The following FAM13B variants were observed in gnomAD, a reference collection of about 807,000 sequenced individuals.
The protein encoded by FAM13B is family with sequence similarity 13 member B.
FAM13B carries 60 observed loss-of-function variants against 117.3 expected under a neutral mutation model. That is an observed-to-expected ratio of 0.51 (90% CI 0.42 to 0.63). The LOEUF is 0.63. Ranked by LOEUF, FAM13B falls within the 30% of genes least tolerant of loss-of-function variation. The pLI, the probability that FAM13B is intolerant of heterozygous loss-of-function variation, is 0.00. For missense variants in FAM13B, 972 were observed against 1,091.9 expected, an observed-to-expected ratio of 0.89 and a Z score of 1.55; for synonymous variants, 332 against 356.1, an observed-to-expected ratio of 0.93 and a Z score of 0.76.
At chr5:137,968,359 T>C (rs1770777227) in intron 10 of FAM13B, among the ~76,000 whole-genome samples, 1 of 151,254 alleles carries the variant, frequency 6.6e-6, no homozygotes, top group Admixed American at 6.6e-5. Flanking sequence ...GAGACTCACT[T>C]GAATCTGGGA....
chr5:137,978,655 A>T (rs888096790), intron 10 of FAM13B, among the ~76,000 whole-genome samples: 56 of 152,100 alleles, frequency 3.7e-4, no homozygotes, highest in African/African-American at 1.4e-3. Context: ...TCAGGAAAAA[A>T]TCCCATCCTC....
chr5:137,945,921 G>A lies in FAM13B; in HGVS notation c.2321C>T (p.Ala774Val), dbSNP rs1254358861. ...YRLVKQMLTR[A>V]SITPVLGSPS... ...ACTTACAAGGACAGGAGTGATGCTA[G>A]CTCTTGTCAGCATTTGTTTTACAAG... Residue 774 changes from alanine to valine, a missense_variant, in exon 20 of 24, where the codon GCT (alanine) becomes GTT (valine). Ala to Val is a moderately conservative substitution (Grantham distance 64). Coordinates refer to ENST00000689681, the MANE Select transcript of FAM13B (RefSeq NM_001385994.1). The A allele has an allele frequency of 3.7e-6, 6 of 1,612,240 alleles. No homozygotes were observed. Among genetic ancestry groups the A allele is most frequent in the South Asian group, 2.2e-5 (2 of 90,978 alleles).
chr5:137,982,541 CAA>C (rs1776049769), intron 10 of FAM13B, among the ~76,000 whole-genome samples: 2 of 143,562 alleles, frequency 1.4e-5, no homozygotes, highest in East Asian at 2.1e-4. Context: ...ACAACAACAA[CAA>C]CAACCTTCAT....
chr5:137,941,803 C>G lies in FAM13B; in HGVS notation c.2690+141G>C, dbSNP rs1761934988. 7.5e-6 allele frequency: 5 copies of G among 662,874 alleles called. No homozygotes were observed. In the Admixed American group the frequency reaches 1.3e-4, roughly 18 times the overall value. The allele number at this position is 662,874 out of a possible 1,614,324, so 41.1% of individuals were successfully genotyped here. A position where few individuals can be genotyped will look rare whatever the true frequency, so the allele number is the denominator to read the frequency against. Reference sequence around the variant, plus strand: ...GGCCATTAAAAGCAGGGCCTCAGAGCATAAAGGAATGTTTTAAAATTTTTC... The same window carrying G: ...GGCCATTAAAAGCAGGGCCTCAGAGGATAAAGGAATGTTTTAAAATTTTTC... On this transcript the variant is annotated intron_variant, in intron 23 of 23. Transcript: ENST00000689681.
At position 137,939,713 on chromosome 5, in the gene FAM13B, TCA is replaced by T; in HGVS notation, c.*510_*511del. The T allele has an allele frequency of 3.8e-6, 1 of 266,310 alleles. No homozygotes were observed. The highest frequency in any genetic ancestry group is 6.2e-6 in the Non-Finnish European group (1 of 162,588). The allele number at this position is 266,310 out of a possible 1,614,324, so 16.5% of individuals were successfully genotyped here. ...GTGTTCCATAGTACGACTTGAAATC[TCA>T]GTTTGATTTTGGTTTTCTAGGAAAA... On this transcript the variant is annotated 3_prime_UTR_variant, in exon 24 of 24. Coordinates refer to ENST00000689681, the MANE Select transcript of FAM13B (RefSeq NM_001385994.1).
At chr5:137,962,152 T>C (rs972106322) in intron 11 of FAM13B, among the ~76,000 whole-genome samples, 1 of 152,326 alleles carries the variant, frequency 6.6e-6, no homozygotes, top group East Asian at 1.9e-4. Context: ...AACTGAAAGA[T>C]TTAAATGTCT....
chr5:137,943,903 C>A (rs1009992743), intron 20 of FAM13B, among the ~76,000 whole-genome samples: 6 of 151,974 alleles, frequency 3.9e-5, no homozygotes, highest in African/African-American at 1.5e-4. Flanking sequence ...AAAATTCACC[C>A]TTTTAAAATG....
chr5:138,003,008 T>C (rs1345676390), intron 7 of FAM13B, among the ~76,000 whole-genome samples: 1 of 152,042 alleles, frequency 6.6e-6, no homozygotes, highest in Non-Finnish European at 1.5e-5. Context: ...TTCATTCCAC[T>C]TCAATTTTTC....
At chr5:138,018,040 C>T (rs1785694970) in intron 4 of FAM13B, among the ~76,000 whole-genome samples, 1 of 152,190 alleles carries the variant, frequency 6.6e-6, no homozygotes, top group Non-Finnish European at 1.5e-5. Flanking sequence ...CCTCCTACTC[C>T]TTGTTCTTGT....
chr5:137,949,678 T>C (rs1764394541), intron 17 of FAM13B, among the ~76,000 whole-genome samples: 1 of 151,924 alleles, frequency 6.6e-6, no homozygotes, highest in Admixed American at 6.6e-5. Flanking sequence ...CACACACCTG[T>C]AATCCCAGCT....
intron 1 of FAM13B, chr5:138,038,456 C>G (rs1021786742): frequency 1.3e-5 from 2 of 152,180 alleles, no homozygotes; most frequent in Non-Finnish European, 2.9e-5. Context: ...CAAATTCAGT[C>G]AAACTCAGCT....
chr5:138,006,523 A>C (rs1782615578), intron 7 of FAM13B, among the ~76,000 whole-genome samples: 1 of 152,196 alleles, frequency 6.6e-6, no homozygotes. Context: ...TCAGCCTACC[A>C]CATTTATCGA....
chr5:137,940,468 T>TA, intron 23 of FAM13B, 120 bp from the exon 24 acceptor site: 1 of 652,912 alleles, frequency 1.5e-6, no homozygotes, highest in Non-Finnish European at 2.5e-6. Context: ...AGTTGTTCTG[T>TA]TAAAAAAAAA....
At chr5:138,003,424 G>T (rs1437592683) in intron 7 of FAM13B, among the ~76,000 whole-genome samples, 1 of 152,120 alleles carries the variant, frequency 6.6e-6, no homozygotes, top group African/African-American at 2.4e-5. Context: ...CACCAAAAAA[G>T]TAGTCATGGG....
At chr5:138,046,107 C>T (rs1177925163) in intron 1 of FAM13B, among the ~76,000 whole-genome samples, 1 of 152,168 alleles carries the variant, frequency 6.6e-6, no homozygotes, top group East Asian at 1.9e-4. Flanking sequence ...GAATAAGGCT[C>T]ACACGATCTG....
intron 10 of FAM13B, among the ~76,000 whole-genome samples, chr5:137,969,861 T>C (rs1771475564): frequency 6.6e-6 from 1 of 152,060 alleles, no homozygotes; most frequent in Non-Finnish European, 1.5e-5. Context: ...GGGGTATCAG[T>C]GATGGAAGAT....
chr5:137,954,206 C>T lies in FAM13B; in HGVS notation c.1678G>A (p.Glu560Lys). The change falls in exon 15 of 24, where the codon GAA (glutamate) becomes AAA (lysine). Residue 560 changes from glutamate (E) to lysine (K), a missense_variant. Transcript: ENST00000689681. Reference protein sequence around the residue: ...GQSQRFLHDPEKLDSSSKALS... With the variant: ...GQSQRFLHDPKKLDSSSKALS... ...GCTTTAGATGAGGAATCCAACTTTT[C>T]TGGATCATGTAGGAAACGCTGGCTT... 6.2e-7 allele frequency: 1 copy of T among 1,614,008 alleles called. No homozygotes were observed. The highest frequency in any genetic ancestry group is 1.3e-5 in the African/African-American group (1 of 75,004).
intron 10 of FAM13B, among the ~76,000 whole-genome samples, chr5:137,969,427 CAGAA>C (rs1226691591): frequency 6.6e-6 from 1 of 152,194 alleles, no homozygotes; most frequent in Non-Finnish European, 1.5e-5. Flanking sequence ...AACTAACAAA[CAGAA>C]AGGACATCCA....
At chr5:137,966,046 C>A (rs1769622947) in intron 10 of FAM13B, among the ~76,000 whole-genome samples, 1 of 151,576 alleles carries the variant, frequency 6.6e-6, no homozygotes, top group Non-Finnish European at 1.5e-5. Context: ...AGTGAATAAT[C>A]TCTTTGTATC....
Sources: gnomAD v4.1 joint callset for allele counts (sites outside exome capture counted in the v4.1 genomes callset) on GRCh38, gnomAD v4.1.1 for gene constraint, MANE v1.5 for transcripts, NCBI Gene and HGNC (gene_info 2026-07-23, HGNC 2026-07-21) for gene names.